Variants in RGS6 observed in about 807,000 individuals in gnomAD.
RGS6 encodes regulator of G protein signaling 6.
A neutral mutation model predicts 78.5 loss-of-function variants in RGS6; 30 were observed. The observed-to-expected ratio is 0.38, with a 90% CI of 0.29 to 0.52. The LOEUF (loss-of-function observed/expected upper bound fraction) is 0.52, where lower values mean the gene tolerates loss of function less well. RGS6 is among the 20% of genes least tolerant of loss of function. RGS6 has a pLI of 0.85. For missense variants in RGS6, 495 were observed against 609.7 expected (o/e 0.81, Z 1.98); for synonymous variants, 206 against 206.0 (o/e 1.00, Z 0.00).
At chr14:72,203,958 G>A (rs888427466) in intron 2 of RGS6, among the ~76,000 whole-genome samples, 3 of 151,656 alleles carry the variant, frequency 2.0e-5, no homozygotes, top group African/African-American at 7.3e-5. Context: ...CCAAGTAGCT[G>A]GGACTATAAG....
chr14:71,905,322 C>A, the RGS6 span, among the ~76,000 whole-genome samples: 1 of 152,206 alleles, frequency 6.6e-6, no homozygotes, highest in Non-Finnish European at 1.5e-5. Flanking sequence ...CTTTGAAAAT[C>A]TGAACTTAAA....
rs919234726 is a variant in RGS6, at chr14:72,562,809, A to C, written c.*342A>C. The C allele has an allele frequency of 1.8e-4, 254 of 1,421,508 alleles. 1 individual carries two copies. The highest frequency in any genetic ancestry group is 2.3e-4 in the Non-Finnish European group (243 of 1,042,732). 88.1% of individuals were successfully genotyped at this position (1,421,508 alleles called of 1,614,324 possible). On this transcript the variant is annotated 3_prime_UTR_variant, in exon 18 of 18. Coordinates refer to ENST00000553525, the MANE Select transcript of RGS6 (RefSeq NM_001204424.2). ...GTTCCTGTCACGACTATCACTTGAG[A>C]TTATATTATTATCCTCACTCCCTCG...
chr14:72,519,413 G>T (rs1375653115), intron 15 of RGS6, among the ~76,000 whole-genome samples: 30 of 152,134 alleles, frequency 2.0e-4, no homozygotes, highest in Non-Finnish European at 8.8e-5. Flanking sequence ...CACCTCTGGG[G>T]CCCCCAGTAG....
intron 3 of RGS6, among the ~76,000 whole-genome samples, chr14:72,394,562 A>C (rs943238563): frequency 1.3e-5 from 2 of 152,198 alleles, no homozygotes; most frequent in African/African-American, 4.8e-5. Context: ...AGACTTCAGC[A>C]ATATTTCTCC....
chr14:72,080,137 T>C (rs2094755746), intron 2 of RGS6, among the ~76,000 whole-genome samples: 1 of 152,192 alleles, frequency 6.6e-6, no homozygotes, highest in South Asian at 2.1e-4. Flanking sequence ...GCTGTACTAA[T>C]GTGCATTTAC....
intron 1 of RGS6, among the ~76,000 whole-genome samples, chr14:71,939,299 A>G (rs1225872417): frequency 6.6e-6 from 1 of 152,204 alleles, no homozygotes; most frequent in Non-Finnish European, 1.5e-5. Flanking sequence ...TTATTGGGGT[A>G]GAAGGTCCCT....
chr14:72,400,603 G>A (rs530841465), intron 3 of RGS6, among the ~76,000 whole-genome samples: 2 of 152,162 alleles, frequency 1.3e-5, no homozygotes, highest in Non-Finnish European at 2.9e-5. Context: ...TCACTATTTT[G>A]ACATTGCGCT....
intron 2 of RGS6, among the ~76,000 whole-genome samples, chr14:72,320,446 C>T (rs768652476): frequency 1.3e-5 from 2 of 151,790 alleles, no homozygotes; most frequent in African/African-American, 4.8e-5. Context: ...GGCGTGGTGG[C>T]GGGCACCTGT....
chr14:72,591,916 G>A, the RGS6 span, among the ~76,000 whole-genome samples: 29 of 152,202 alleles, frequency 1.9e-4, no homozygotes, highest in South Asian at 8.3e-4. Context: ...CTCTTCTCCC[G>A]TCTCCTCAAT....
chr14:72,514,521 C>T (rs1039340745), intron 14 of RGS6, among the ~76,000 whole-genome samples: 2 of 152,224 alleles, frequency 1.3e-5, no homozygotes, highest in African/African-American at 4.8e-5. Context: ...CCCTGTTCTC[C>T]ACTGCTTCGC....
At chr14:72,291,841 C>G (rs535389403) in intron 2 of RGS6, among the ~76,000 whole-genome samples, 4 of 152,074 alleles carry the variant, frequency 2.6e-5, no homozygotes, top group African/African-American at 9.7e-5. Flanking sequence ...AAGTACTGAG[C>G]GCAATAGAAA....
At chr14:71,956,976 GAGTA>G (rs1299427266) in intron 1 of RGS6, among the ~76,000 whole-genome samples, 2 of 152,208 alleles carry the variant, frequency 1.3e-5, no homozygotes, top group African/African-American at 4.8e-5. Context: ...AGTGAATGCA[GAGTA>G]AGTAAGTGAG....
intron 2 of RGS6, among the ~76,000 whole-genome samples, chr14:72,015,070 TAAAGA>T (rs2086662400): frequency 6.6e-6 from 1 of 152,214 alleles, no homozygotes. Flanking sequence ...GGGTAATTAA[TAAAGA>T]AAAGAAGTTC....
chr14:72,414,699 A>G (rs1597166910), intron 3 of RGS6, among the ~76,000 whole-genome samples: 1 of 151,682 alleles, frequency 6.6e-6, no homozygotes, highest in East Asian at 1.9e-4. Context: ...GGTTTTATCT[A>G]CCTTTGGTCT....
chr14:72,211,308 G>A (rs926281652), intron 2 of RGS6, among the ~76,000 whole-genome samples: 1 of 152,110 alleles, frequency 6.6e-6, no homozygotes, highest in African/African-American at 2.4e-5. Flanking sequence ...AGTATAAAGA[G>A]GACTGAAAAA....
chr14:72,423,298 A>C (rs991157817), intron 3 of RGS6, among the ~76,000 whole-genome samples: 27 of 152,132 alleles, frequency 1.8e-4, no homozygotes, highest in African/African-American at 6.5e-4. Context: ...CCCCCACCCC[A>C]TGTCATGTTT....
At chr14:72,239,280 C>A (rs1297988664) in intron 2 of RGS6, among the ~76,000 whole-genome samples, 2 of 152,172 alleles carry the variant, frequency 1.3e-5, no homozygotes, top group Non-Finnish European at 2.9e-5. Context: ...TGTATGCATG[C>A]CCATCTGTGG....
At chr14:72,201,673 C>G (rs754992509) in intron 2 of RGS6, among the ~76,000 whole-genome samples, 4 of 152,178 alleles carry the variant, frequency 2.6e-5, no homozygotes, top group Admixed American at 2.0e-4. Context: ...CCCAAATAAA[C>G]TGACTGAGGT....
At chr14:72,344,863 A>G (rs1459872545) in intron 2 of RGS6, among the ~76,000 whole-genome samples, 1 of 152,198 alleles carries the variant, frequency 6.6e-6, no homozygotes, top group Non-Finnish European at 1.5e-5. Flanking sequence ...GCAGTGTGGG[A>G]AACAGATCAG....
Sources: gnomAD v4.1 joint callset for allele counts (sites outside exome capture counted in the v4.1 genomes callset) on GRCh38, gnomAD v4.1.1 for gene constraint, MANE v1.5 for transcripts, NCBI Gene and HGNC (gene_info 2026-07-23, HGNC 2026-07-21) for gene names.